Variants in NLGN1 observed in about 807,000 individuals in gnomAD.
NLGN1 encodes the protein neuroligin 1, also known as neuroligin-1.
In NLGN1, 12 loss-of-function variants were observed where a neutral mutation model predicts 65.5. The observed-to-expected ratio is 0.18, with a 90% CI of 0.12 to 0.30. The LOEUF (loss-of-function observed/expected upper bound fraction) is 0.30. NLGN1 is among the 10% of genes least tolerant of loss of function. The pLI is 1.00. For synonymous variants in NLGN1, 350 were observed against 359.5 expected, an observed-to-expected ratio of 0.97 and a Z score of 0.30; for missense variants, 750 against 1,007.1, an observed-to-expected ratio of 0.74 and a Z score of 3.46.
At chr3:174,246,179 G>T (rs188541500) in intron 4 of NLGN1, among the ~76,000 whole-genome samples, 52 of 152,274 alleles carry the variant, frequency 3.4e-4, no homozygotes, top group Middle Eastern at 3.4e-3. Context: ...AAAGCAGAAA[G>T]ACTTAAAAGA....
At chr3:174,130,489 G>A (rs974476267) in intron 4 of NLGN1, among the ~76,000 whole-genome samples, 4 of 152,162 alleles carry the variant, frequency 2.6e-5, no homozygotes, top group Admixed American at 6.5e-5. Context: ...CTAAGTCCTC[G>A]AGAATCTAAA....
chr3:173,477,974 C>T (rs562985186), intron 2 of NLGN1, among the ~76,000 whole-genome samples: 7 of 152,166 alleles, frequency 4.6e-5, no homozygotes, highest in East Asian at 1.9e-4. Context: ...ATTAGTTCAA[C>T]GTTTGTGGAA....
At chr3:173,660,628 C>T (rs1760796377) in intron 3 of NLGN1, among the ~76,000 whole-genome samples, 1 of 151,848 alleles carries the variant, frequency 6.6e-6, no homozygotes, top group Admixed American at 6.6e-5. Flanking sequence ...TTCAGCTTTA[C>T]AACCTGAAGG....
intron 3 of NLGN1, 140 bp from the exon 3 acceptor site, chr3:173,605,394 G>C (rs994509379): frequency 4.6e-6 from 2 of 434,920 alleles, no homozygotes; most frequent in Non-Finnish European, 8.2e-6. Context: ...TTTCCTCATT[G>C]CATGTGCAGG....
At chr3:173,469,497 C>G (rs1247115770) in intron 2 of NLGN1, among the ~76,000 whole-genome samples, 2 of 152,042 alleles carry the variant, frequency 1.3e-5, no homozygotes, top group African/African-American at 4.8e-5. Context: ...TCAAAATGTT[C>G]CTTGGCTTGT....
At chr3:173,539,679 C>CATACATATATGTGCATATGCACATAT (rs1738267209) in intron 2 of NLGN1, among the ~76,000 whole-genome samples, 1 of 80,038 alleles carries the variant, frequency 1.2e-5, no homozygotes, top group African/African-American at 7.9e-5. Flanking sequence ...ACATATATAA[C>CATACATATATGTGCATATGCACATAT]ATACATATAT....
At chr3:173,813,990 A>T (rs1165328080) in intron 4 of NLGN1, among the ~76,000 whole-genome samples, 1 of 152,232 alleles carries the variant, frequency 6.6e-6, no homozygotes, top group African/African-American at 2.4e-5. Flanking sequence ...TGTAAAAACC[A>T]AAGACATAAT....
rs571681249 is a variant in NLGN1 at position 173,833,776 on chromosome 3, C to G, written c.646+25944C>G. 1.9e-3 allele frequency among the ~76,000 whole-genome samples: 287 copies of G among 152,316 alleles called. 1 individual carries two copies. Among genetic ancestry groups the G allele is most frequent in the African/African-American group, 6.5e-3 (271 of 41,572 alleles). On this transcript the variant is annotated intron_variant, in intron 4 of 6. Coordinates refer to ENST00000457714, the Ensembl canonical transcript of NLGN1. ...TCAGCCTCCCAAAGTGCTGAGATTA[C>G]AGGCATGAGCCACCGCACCTGGCCA...
At chr3:174,132,916 T>C (rs1720483820) in intron 4 of NLGN1, among the ~76,000 whole-genome samples, 1 of 152,164 alleles carries the variant, frequency 6.6e-6, no homozygotes, top group Non-Finnish European at 1.5e-5. Context: ...AGTGACAAAT[T>C]AGGCTTAACC....
intron 4 of NLGN1, among the ~76,000 whole-genome samples, chr3:173,936,217 T>C (rs1017465005): frequency 2.6e-5 from 4 of 151,982 alleles, no homozygotes; most frequent in Admixed American, 6.6e-5. Context: ...TCTAGTTTTG[T>C]AGTTTATAAA....
chr3:173,741,113 C>T (rs1560275323), intron 3 of NLGN1, among the ~76,000 whole-genome samples: 1 of 151,998 alleles, frequency 6.6e-6, no homozygotes. Flanking sequence ...CTAATAGAAC[C>T]TAAAGAAGAT....
intron 2 of NLGN1, among the ~76,000 whole-genome samples, chr3:173,531,590 C>CACACACACACACACAT (rs760049826): frequency 6.6e-6 from 1 of 151,662 alleles, no homozygotes; most frequent in Admixed American, 6.6e-5. Context: ...CACACACACA[C>CACACACACACACACAT]TTCTATGGAA....
intron 2 of NLGN1, among the ~76,000 whole-genome samples, chr3:173,601,836 C>G (rs1163407095): frequency 1.3e-5 from 2 of 151,866 alleles, no homozygotes; most frequent in Admixed American, 1.3e-4. Context: ...ATATTAACTT[C>G]CAATAAGAAT....
intron 4 of NLGN1, among the ~76,000 whole-genome samples, chr3:174,274,406 AAC>A (rs1750118915): frequency 6.6e-6 from 1 of 151,828 alleles, no homozygotes; most frequent in Non-Finnish European, 1.5e-5. Flanking sequence ...TCATATGTAA[AAC>A]AGTTACTCAG....
chr3:173,587,654 A>G (rs1400970918), intron 2 of NLGN1, among the ~76,000 whole-genome samples: 1 of 152,182 alleles, frequency 6.6e-6, no homozygotes, highest in Non-Finnish European at 1.5e-5. Context: ...TATCAGAGTA[A>G]CACAAAATGT....
chr3:173,849,033 T>C (rs1489617757), intron 4 of NLGN1, among the ~76,000 whole-genome samples: 1 of 152,160 alleles, frequency 6.6e-6, no homozygotes, highest in Non-Finnish European at 1.5e-5. Flanking sequence ...CCATCAGATA[T>C]GTAGGATATA....
Position 173,799,826 on chromosome 3 carries a change from A to C in NLGN1, c.494-7854A>C, listed in dbSNP as rs146735968. Among the ~76,000 whole-genome samples the C allele has an allele frequency of 8.2e-3, 1,244 of 152,016 alleles. 20 individuals are homozygous for C. Among genetic ancestry groups the C allele is most frequent in the African/African-American group, 0.027 (1,127 of 41,550 alleles). The stretch of plus-strand genomic sequence containing the variant: ...TTAAAAAAAAGAAGAAAATAGAAAA[A>C]GAGCAACTTAAGATATTCATATCTC... On this transcript the variant is annotated intron_variant, in intron 3 of 6. Coordinates refer to ENST00000457714, the Ensembl canonical transcript of NLGN1.
At chr3:174,291,718 T>C in the NLGN1 span, among the ~76,000 whole-genome samples, 2 of 151,108 alleles carry the variant, frequency 1.3e-5, no homozygotes, top group East Asian at 1.9e-4. Context: ...TCAGGGAATA[T>C]TGTTACCATG....
chr3:173,510,085 C>T (rs956837749), intron 2 of NLGN1, among the ~76,000 whole-genome samples: 1 of 152,158 alleles, frequency 6.6e-6, no homozygotes, highest in Non-Finnish European at 1.5e-5. Flanking sequence ...AGGATAAATT[C>T]TCCACTTGCA....
Sources: allele counts gnomAD v4.1 joint callset (sites outside exome capture counted in the v4.1 genomes callset), GRCh38; gene constraint gnomAD v4.1.1; transcripts MANE v1.5; gene names NCBI Gene and HGNC (gene_info 2026-07-23, HGNC 2026-07-21).